Variants in VAC14 observed in about 807,000 individuals in gnomAD.
VAC14 encodes protein VAC14 homolog.
In VAC14, 47 loss-of-function variants were observed where a neutral mutation model predicts 85.3. That is an observed-to-expected ratio of 0.55 (90% CI 0.44 to 0.70). The LOEUF (loss-of-function observed/expected upper bound fraction) is 0.70, where lower values mean the gene tolerates loss of function less well. Ranked by LOEUF, VAC14 falls within the 30% of genes least tolerant of loss-of-function variation. The pLI is 0.00. For synonymous variants in VAC14, 447 were observed against 430.5 expected, an observed-to-expected ratio of 1.04 and a Z score of -0.47; for missense variants, 861 against 1,004.3, an observed-to-expected ratio of 0.86 and a Z score of 1.93.
chr16:70,783,374 TG>T, intron 6 of VAC14, 70 bp downstream of exon 6: 1 of 1,495,916 alleles, frequency 6.7e-7, no homozygotes. Flanking sequence ...GGCCTCTCTG[TG>T]GGCATGAAGC....
chr16:70,709,122 C>T (rs3813909), intron 14 of VAC14, among the ~76,000 whole-genome samples: 12,776 of 152,222 alleles, frequency 0.084, 715 homozygotes, highest in East Asian at 0.3. Flanking sequence ...TTAGGAACAT[C>T]GTGTACATTC....
At position 70,731,583 on chromosome 16, in the gene VAC14, A is replaced by C; in HGVS notation, c.1573T>G (p.Ser525Ala). 6.2e-7 allele frequency: 1 copy of C among 1,614,158 alleles called. No homozygotes were observed. Residue 525 changes from serine to alanine, a missense_variant, in exon 14 of 19, where the codon TCT becomes GCT. This residue lies in a region of VAC14 where 629 missense variants were observed against 703.1 expected (regional missense o/e 0.89). Coordinates refer to ENST00000261776, the MANE Select transcript of VAC14 (RefSeq NM_018052.5). The stretch of plus-strand genomic sequence containing the variant: ...TTGATCATGAACTTATAAAAGTAAG[A>C]ATTCATGGTGGGAGTTGAAGGAGAA... ...ECSPSTPTMN[S>A]YFYKFMINLL...
At chr16:70,780,624 G>C (rs1598001470) in intron 9 of VAC14, among the ~76,000 whole-genome samples, 166 bp downstream of exon 9, 1 of 152,310 alleles carries the variant, frequency 6.6e-6, no homozygotes, top group South Asian at 2.1e-4. Flanking sequence ...TCTGCAGAAT[G>C]GGGGAGAACC....
chr16:70,753,271 A>G (rs970212787), intron 12 of VAC14, among the ~76,000 whole-genome samples: 1 of 152,170 alleles, frequency 6.6e-6, no homozygotes, highest in Non-Finnish European at 1.5e-5. Flanking sequence ...TCTCATTAGC[A>G]GTGGGGGGAC....
At chr16:70,761,643 G>C (rs1312036522) in intron 12 of VAC14, among the ~76,000 whole-genome samples, 2 of 152,172 alleles carry the variant, frequency 1.3e-5, no homozygotes, top group Non-Finnish European at 2.9e-5. Context: ...GAAGAGCCAG[G>C]GGCCCCCTCC....
chr16:70,783,089 G>A lies in VAC14; in HGVS notation c.755C>T (p.Ser252Phe). 1 of 1,614,176 alleles carries A rather than the reference G, an allele frequency of 6.2e-7. No homozygotes were observed. Among genetic ancestry groups the A allele is most frequent in the Non-Finnish European group, 8.5e-7 (1 of 1,180,036 alleles). Reference protein sequence around the residue: ...EFLKEIKKNPSSVKFAEMANI... With the variant: ...EFLKEIKKNPFSVKFAEMANI... Reference sequence around the variant, plus strand: ...GGCCATCTCAGCAAACTTCACACTGGAGGGGTTCTTCTTAATTTCTTTTAA... The same window carrying A: ...GGCCATCTCAGCAAACTTCACACTGAAGGGGTTCTTCTTAATTTCTTTTAA... Residue 252 changes from serine (S) to phenylalanine (F), a missense_variant, in exon 7 of 19, where the codon TCC (serine) becomes TTC (phenylalanine). By Grantham distance (155) the Ser-to-Phe change is radical (BLOSUM62 -2). Around this residue, in one of 3 missense-constraint regions of VAC14, gnomAD observed 629 missense variants for 703.1 expected, o/e 0.89. Coordinates refer to ENST00000261776, the MANE Select transcript of VAC14 (RefSeq NM_018052.5).
In VAC14 at chr16:70,763,039, C is replaced by T. The variant is rs1018722164; in HGVS notation, c.1161-14G>A. ...GCTCTTTCAGTGCTGTGGGTAAGAT[C>T]GGGAGGGAGAGCAGAGGTGAAGCCC... On this transcript the variant is annotated splice_polypyrimidine_tract_variant and intron_variant, in intron 10 of 18. Transcript: ENST00000261776. 1.2e-5 allele frequency: 20 copies of T among 1,613,916 alleles called. No individual in the cohort carries two copies. Among genetic ancestry groups the T allele is most frequent in the Admixed American group, 3.3e-5 (2 of 59,996 alleles).
chr16:70,725,738 G>A (rs2054408519), intron 14 of VAC14, among the ~76,000 whole-genome samples: 1 of 152,206 alleles, frequency 6.6e-6, no homozygotes, highest in African/African-American at 2.4e-5. Flanking sequence ...TCTCGTGAAA[G>A]AAGTCCCATG....
At chr16:70,766,887 C>A (rs923650986) in intron 10 of VAC14, among the ~76,000 whole-genome samples, 1 of 152,150 alleles carries the variant, frequency 6.6e-6, no homozygotes, top group Non-Finnish European at 1.5e-5. Flanking sequence ...GGACCCTGCA[C>A]TCTTCCTAGA....
At chr16:70,741,786 G>A (rs1050602449) in intron 13 of VAC14, among the ~76,000 whole-genome samples, 1 of 152,226 alleles carries the variant, frequency 6.6e-6, no homozygotes, top group African/African-American at 2.4e-5. Flanking sequence ...TCGGTGAGTT[G>A]GGGCAAGAGT....
chr16:70,786,185 G>A lies in VAC14; in HGVS notation c.255+30C>T, dbSNP rs373186723. 2.5e-6 allele frequency: 4 copies of A among 1,610,332 alleles called. No individual in the cohort carries two copies. The Admixed American group carries it at 6.7e-5, about 27-fold the overall frequency. ...TTGGTCAGCGTCAAGGCCAGGACTG[G>A]TATGTCTGTCCCTTGGGTGAAAGGC... On this transcript the variant is annotated intron_variant, in intron 2 of 18. Transcript: ENST00000261776.
At chr16:70,703,540 C>T (rs975069212) in intron 14 of VAC14, among the ~76,000 whole-genome samples, 1 of 152,206 alleles carries the variant, frequency 6.6e-6, no homozygotes, top group Non-Finnish European at 1.5e-5. Flanking sequence ...AAGGCTCCTC[C>T]CTCAGTGGCA....
At chr16:70,691,095 C>A (rs1182152366) in intron 18 of VAC14, 11 of 985,552 alleles carry the variant, frequency 1.1e-5, no homozygotes, top group Middle Eastern at 5.2e-4. Context: ...TGGCTCAAGA[C>A]TTCCCTGACT....
intron 13 of VAC14, among the ~76,000 whole-genome samples, chr16:70,734,811 T>A (rs899833138): frequency 2.0e-5 from 3 of 151,558 alleles, no homozygotes; most frequent in Non-Finnish European, 4.4e-5. Context: ...AAAAAAACAC[T>A]TGAAAAATAT....
chr16:70,763,493 T>C (rs140915020), intron 10 of VAC14, among the ~76,000 whole-genome samples: 1 of 152,268 alleles, frequency 6.6e-6, no homozygotes, highest in East Asian at 1.9e-4. Flanking sequence ...TGAGGGAAGG[T>C]CCCGATAACA....
chr16:70,768,117 C>T (rs751228684), intron 10 of VAC14, among the ~76,000 whole-genome samples: 1 of 152,188 alleles, frequency 6.6e-6, no homozygotes, highest in Non-Finnish European at 1.5e-5. Flanking sequence ...AACTCCTGGG[C>T]TCAAGCAACC....
chr16:70,721,106 G>C (rs1597882010), intron 14 of VAC14, among the ~76,000 whole-genome samples: 1 of 152,370 alleles, frequency 6.6e-6, no homozygotes, highest in East Asian at 1.9e-4. Context: ...GGGAGATTCA[G>C]ACCTGGAGAG....
At chr16:70,695,946 C>T in intron 16 of VAC14, 1 of 223,808 alleles carries the variant, frequency 4.5e-6, no homozygotes, top group Non-Finnish European at 9.0e-6. Flanking sequence ...TTCCTGCCAG[C>T]AGGGCTGCAG....
intron 12 of VAC14, among the ~76,000 whole-genome samples, chr16:70,760,962 GGTGTGTGT>G (rs10671938): frequency 0.022 from 1,034 of 47,532 alleles, 17 homozygotes; most frequent in African/African-American, 0.042. Context: ...ACGAAGAGAG[GGTGTGTGT>G]GTGTGTGTGT....
Sources: gnomAD v4.1 joint callset for allele counts (sites outside exome capture counted in the v4.1 genomes callset) on GRCh38, gnomAD v4.1.1 for gene constraint, gnomAD v4.1.1 regional missense constraint, MANE v1.5 for transcripts, NCBI Gene and HGNC (gene_info 2026-07-23, HGNC 2026-07-21) for gene names.